LGALS14: variants seen among roughly 807,000 people sequenced by gnomAD.
LGALS14 encodes the protein galectin 14.
LGALS14 carries 14 observed loss-of-function variants against 14.6 expected under a neutral mutation model. The ratio of observed to expected loss-of-function variants is 0.96; its 90% CI spans 0.64 to 1.50. LGALS14 has a LOEUF of 1.50. LGALS14 is among the 40% of genes most tolerant of loss of function. The probability of loss-of-function intolerance (pLI) is 0.00; values close to 1 mark genes in which losing one functional copy is unlikely to be tolerated. For synonymous variants in LGALS14, 57 were observed against 63.9 expected, an observed-to-expected ratio of 0.89 and a Z score of 0.51; for missense variants, 180 against 172.0, an observed-to-expected ratio of 1.05 and a Z score of -0.26.
Position 39,707,332 on chromosome 19 carries a change from T to C in LGALS14, c.247T>C (p.Phe83Leu). ...TGAGGAGAAATGCTACTATTTACCC[T>C]TTGAAGATGGCAAACCATTTGAGCT... The part of the protein sequence containing the change: ...RYEEKCYYLP[F>L]EDGKPFELCI... Residue 83 changes from phenylalanine (F) to leucine (L), a missense_variant, in exon 3 of 4, where the codon TTT becomes CTT. Phe to Leu is a conservative substitution (Grantham distance 22, BLOSUM62 0). Coordinates refer to ENST00000392052, the MANE Select transcript of LGALS14 (RefSeq NM_020129.3). 6.2e-7 allele frequency: 1 copy of C among 1,614,138 alleles called. No individual in the cohort carries two copies. The highest frequency in any genetic ancestry group is 2.2e-5 in the East Asian group (1 of 44,888).
At chr19:39,706,867 C>T (rs116947325) in intron 2 of LGALS14, among the ~76,000 whole-genome samples, 194 bp downstream of exon 2, 4 of 152,262 alleles carry the variant, frequency 2.6e-5, no homozygotes, top group South Asian at 4.1e-4. Context: ...AGCCACGGAA[C>T]CTAGGGGAGG....
chr19:39,708,226 T>G (rs1973747275), intron 3 of LGALS14, among the ~76,000 whole-genome samples: 1 of 152,188 alleles, frequency 6.6e-6, no homozygotes, highest in South Asian at 2.1e-4. Flanking sequence ...CTAAGTTGAT[T>G]TGTTGTCAAA....
At chr19:39,705,812 A>G (rs1973705732) in intron 1 of LGALS14, 2 of 1,484,600 alleles carry the variant, frequency 1.3e-6, no homozygotes, top group African/African-American at 1.4e-5. Context: ...ACCACTGCAT[A>G]TCAGCCTGGG....
chr19:39,707,687 T>C (rs1050567373), intron 3 of LGALS14, among the ~76,000 whole-genome samples: 3 of 152,224 alleles, frequency 2.0e-5, no homozygotes, highest in African/African-American at 7.2e-5. Context: ...TAGCTGAATG[T>C]ATACTATATA....
At chr19:39,707,878 C>T (rs1469789251) in intron 3 of LGALS14, among the ~76,000 whole-genome samples, 1 of 152,078 alleles carries the variant, frequency 6.6e-6, no homozygotes, top group Non-Finnish European at 1.5e-5. Flanking sequence ...GGCGTGATCA[C>T]AGCTCATTGC....
rs775030676 is a variant in LGALS14 at position 39,707,370 on chromosome 19, G to A, written c.285G>A (p.Val95=). The change falls in exon 3 of 4, where the codon GTG becomes GTA. Residue 95 remains valine (V), a synonymous_variant. Transcript: ENST00000392052. ...DGKPFELCIY[V]RHKEYKVMVN... is the part of the protein sequence containing the mutation. ...AACCATTTGAGCTGTGCATCTATGT[G>A]CGTCACAAGGAATACAAGGTGAGTA... 6.2e-7 allele frequency: 1 copy of A among 1,613,974 alleles called. No individual in the cohort carries two copies. Among genetic ancestry groups the A allele is most frequent in the Non-Finnish European group, 8.5e-7 (1 of 1,179,894 alleles).
intron 3 of LGALS14, 36 bp downstream of exon 3, chr19:39,707,424 G>T: frequency 6.4e-7 from 1 of 1,564,504 alleles, no homozygotes; most frequent in African/African-American, 1.3e-5. Flanking sequence ...CTGGAGCTCT[G>T]TGGGCTCTTA....
intron 1 of LGALS14, chr19:39,706,116 C>A: frequency 6.8e-7 from 1 of 1,467,038 alleles, no homozygotes; most frequent in South Asian, 1.3e-5. Flanking sequence ...TTCTTTCACC[C>A]TCAAGTCTTG....
intron 1 of LGALS14, 98 bp from the exon 2 acceptor site, chr19:39,706,499 G>T: frequency 1.2e-6 from 1 of 860,376 alleles, no homozygotes; most frequent in South Asian, 1.5e-5. Context: ...CTCAGAGTCT[G>T]ACCTTTGATC....
intron 3 of LGALS14, among the ~76,000 whole-genome samples, chr19:39,708,140 T>C (rs150682072): frequency 1.3e-5 from 2 of 152,336 alleles, no homozygotes; most frequent in African/African-American, 4.8e-5. Context: ...TATGGAAGCA[T>C]GTAGATATGT....
rs1230551474 is a variant in LGALS14 at position 39,704,510 on chromosome 19, T to A, written c.-19T>A. ...AAGACTGGACACAATTCCGAAGAGC[T>A]GCCCAGAAGGAGAGAACAATGTCAT... On this transcript the variant is annotated 5_prime_UTR_variant, in exon 1 of 4. Coordinates refer to ENST00000392052, the MANE Select transcript of LGALS14 (RefSeq NM_020129.3). 6.2e-7 allele frequency: 1 copy of A among 1,613,358 alleles called. No homozygotes were observed. Among genetic ancestry groups the A allele is most frequent in the Non-Finnish European group, 8.5e-7 (1 of 1,179,570 alleles).
chr19:39,707,458 C>A, intron 3 of LGALS14, 70 bp downstream of exon 3: 1 of 1,221,326 alleles, frequency 8.2e-7, no homozygotes, highest in Non-Finnish European at 1.2e-6. Flanking sequence ...CTTTCATTGA[C>A]CTGGTGCCAC....
At chr19:39,708,547 C>T (rs943030240) in intron 3 of LGALS14, among the ~76,000 whole-genome samples, 2 of 152,186 alleles carry the variant, frequency 1.3e-5, no homozygotes, top group Admixed American at 1.3e-4. Context: ...ATAGCCTCGA[C>T]ATAAGGAATA....
At chr19:39,709,167 T>C (rs771498580) in intron 3 of LGALS14, 30 bp from the exon 4 acceptor site, 1 of 1,354,082 alleles carries the variant, frequency 7.4e-7, no homozygotes, top group East Asian at 2.3e-5. Context: ...GGTGGCATGC[T>C]GTCTTTCTGA....
intron 1 of LGALS14, chr19:39,705,986 C>T (rs1235198972): frequency 1.2e-6 from 2 of 1,613,888 alleles, no homozygotes; most frequent in Admixed American, 1.7e-5. Flanking sequence ...CTGGGAAGGA[C>T]GTCCATTGCC....
chr19:39,706,702 G>A (rs780931801), intron 2 of LGALS14, 29 bp downstream of exon 2: 7 of 1,513,228 alleles, frequency 4.6e-6, no homozygotes, highest in East Asian at 2.3e-5. Flanking sequence ...AATGGAGGGG[G>A]TGGAGGAGAG....
rs1288066847 is a variant in LGALS14 at position 39,707,396 on chromosome 19, C to T, written c.303+8C>T. On this transcript the variant is annotated splice_region_variant and intron_variant, in intron 3 of 3. Transcript: ENST00000392052. ...CGTCACAAGGAATACAAGGTGAGTA[C>T]TTCAGGATCTTCCAGCGCTGGAGCT... 2 of 1,608,918 alleles carry T rather than the reference C, an allele frequency of 1.2e-6. No individual in the cohort carries two copies. Among genetic ancestry groups the T allele is most frequent in the African/African-American group, 1.3e-5 (1 of 74,860 alleles).
chr19:39,709,428 T>C lies in LGALS14; in HGVS notation c.*115T>C. ...TCACCCCTTCCCCTACACTTGATCATTAAAACAGCACCAAACTTCACATGA... is the reference window on the plus strand; with the variant it reads ...TCACCCCTTCCCCTACACTTGATCACTAAAACAGCACCAAACTTCACATGA... On this transcript the variant is annotated 3_prime_UTR_variant, in exon 4 of 4. Transcript: ENST00000392052. The C allele has an allele frequency of 1.5e-6, 1 of 659,610 alleles. No homozygotes were observed. Among genetic ancestry groups the C allele is most frequent in the Non-Finnish European group, 2.7e-6 (1 of 370,012 alleles). The allele number at this position is 659,610 out of a possible 1,614,324, so 40.9% of individuals were successfully genotyped here. A position where few individuals can be genotyped will look rare whatever the true frequency, so the allele number is the denominator to read the frequency against.
At chr19:39,705,236 C>T (rs1345372962) in intron 1 of LGALS14, among the ~76,000 whole-genome samples, 1 of 152,074 alleles carries the variant, frequency 6.6e-6, no homozygotes, top group Admixed American at 6.6e-5. Context: ...TATCTCTTCC[C>T]AGTAAGAGTG....
Sources: gnomAD v4.1 joint callset for allele counts (sites outside exome capture counted in the v4.1 genomes callset) on GRCh38, gnomAD v4.1.1 for gene constraint, MANE v1.5 for transcripts, NCBI Gene and HGNC (gene_info 2026-07-23, HGNC 2026-07-21) for gene names.